The following RTL9 variants were observed in gnomAD, a reference collection of about 807,000 sequenced individuals.
The protein encoded by RTL9 is retrotransposon Gag like 9, also known as retrotransposon Gag-like protein 9.
RTL9 carries 19 observed loss-of-function variants against 44.7 expected under a neutral mutation model. That is an observed-to-expected ratio of 0.42 (90% CI 0.30 to 0.62). The LOEUF is 0.62. RTL9 is among the 20% of genes least tolerant of loss of function. RTL9 has a pLI of 0.16. For synonymous variants in RTL9, 407 were observed against 398.9 expected (o/e 1.02, Z -0.24); for missense variants, 1,105 against 1,080.6 (o/e 1.02, Z -0.32).
chrX:110,439,028 G>A (rs931376306), intron 1 of RTL9, among the ~76,000 whole-genome samples: 13 of 112,048 alleles, frequency 1.2e-4, no homozygotes, highest in Non-Finnish European at 2.1e-4. Flanking sequence ...CTCCAAACAA[G>A]TTATGTACCC....
chrX:110,449,228 A>G (rs1390558309), upstream of RTL9, among the ~76,000 whole-genome samples: 1 of 111,586 alleles, frequency 9.0e-6, no homozygotes, highest in Non-Finnish European at 1.9e-5. Context: ...GAATTTTCTC[A>G]TTTGTAAGAT....
chrX:110,414,594 A>T (rs1390052985), upstream of RTL9, among the ~76,000 whole-genome samples: 1 of 113,156 alleles, frequency 8.8e-6, no homozygotes, highest in Non-Finnish European at 1.9e-5. Flanking sequence ...TAAGTCACTC[A>T]CTAACGTGAC....
intron 1 of RTL9, among the ~76,000 whole-genome samples, chrX:110,376,070 C>T (rs1010641416): frequency 1.8e-5 from 2 of 111,451 alleles, no homozygotes; most frequent in Non-Finnish European, 3.8e-5. Flanking sequence ...AAATGACTTG[C>T]TTTTAAAACC....
In RTL9 at chrX:110,403,109, G is replaced by A. The variant is rs192586292; in HGVS notation, c.-167-42044G>A. Reference sequence around the variant, plus strand: ...CCCTGCCATCCTTGGGAGTAGGTATGAGAGAGGGAGTTGAGAGGCCAGGCT... The same window carrying A: ...CCCTGCCATCCTTGGGAGTAGGTATAAGAGAGGGAGTTGAGAGGCCAGGCT... On this transcript the variant is annotated intron_variant, in intron 1 of 2. Coordinates refer to the RTL9 transcript ENST00000520821. Among the ~76,000 whole-genome samples the A allele has an allele frequency of 6.3e-5, 7 of 111,352 alleles. No individual in the cohort carries two copies. In the East Asian group the frequency reaches 1.4e-3, roughly 23 times the overall value.
exon 1 of RTL9, chrX:110,450,715 C>T: frequency 8.3e-7 from 1 of 1,210,772 alleles, no homozygotes; most frequent in South Asian, 1.8e-5. Flanking sequence ...AGACCAATGA[C>T]AGAGACCAGA....
intron 1 of RTL9, among the ~76,000 whole-genome samples, chrX:110,361,943 C>T (rs1314061684): frequency 9.0e-6 from 1 of 111,527 alleles, no homozygotes; most frequent in African/African-American, 3.3e-5. Context: ...CTGTATTTAC[C>T]AAAACAGGGA....
At chrX:110,395,986 A>G (rs2068525884) in intron 1 of RTL9, among the ~76,000 whole-genome samples, 1 of 111,831 alleles carries the variant, frequency 8.9e-6, no homozygotes, top group African/African-American at 3.3e-5. Context: ...GCAGAAAAGT[A>G]CTTTACAAAG....
At chrX:110,395,197 C>T (rs1401849954) in intron 1 of RTL9, among the ~76,000 whole-genome samples, 1 of 112,119 alleles carries the variant, frequency 8.9e-6, no homozygotes, top group Admixed American at 9.4e-5. Context: ...TCCGAGGGTG[C>T]CCCCACACCA....
At chrX:110,381,633 C>T (rs1431147649) in intron 1 of RTL9, among the ~76,000 whole-genome samples, 2 of 111,540 alleles carry the variant, frequency 1.8e-5, no homozygotes, top group African/African-American at 3.3e-5. Context: ...GTATGTTCAT[C>T]GCAGCACTAT....
chrX:110,447,491 G>A (rs1208962165), upstream of RTL9, among the ~76,000 whole-genome samples: 2 of 110,356 alleles, frequency 1.8e-5, no homozygotes, highest in Admixed American at 1.9e-4. Context: ...AGAGTACTCC[G>A]AGTTTCTAAT....
At chrX:110,377,245 A>G (rs927907647) in intron 1 of RTL9, among the ~76,000 whole-genome samples, 1 of 111,961 alleles carries the variant, frequency 8.9e-6, no homozygotes, top group African/African-American at 3.2e-5. Context: ...TCTGCCCAGT[A>G]GCGCTATATG....
chrX:110,409,239 C>T (rs1338793089), intron 1 of RTL9, among the ~76,000 whole-genome samples: 1 of 110,599 alleles, frequency 9.0e-6, no homozygotes. Flanking sequence ...GGCAGGATCC[C>T]AGTTATCAGA....
chrX:110,417,480 AT>A (rs371569472), upstream of RTL9, among the ~76,000 whole-genome samples: 5,475 of 108,541 alleles, frequency 0.05, 342 homozygotes, highest in African/African-American at 0.17. Flanking sequence ...GCAAATGAGC[AT>A]TTTTTTTTTA....
rs1012212346 is a variant in RTL9, at chrX:110,363,487, G to A, written c.-168+4571G>A. On this transcript the variant is annotated intron_variant, in intron 1 of 2. Transcript: ENST00000520821. ...TCATTAAGGAGTAATGCTCTAAAAT[G>A]TAATCAGTGGAAAACACAACTGTAG... Among the ~76,000 whole-genome samples the A allele has an allele frequency of 5.4e-5, 6 of 112,091 alleles. No individual in the cohort carries two copies. In the Admixed American group the frequency reaches 5.7e-4, roughly 11 times the overall value.
intron 1 of RTL9, among the ~76,000 whole-genome samples, chrX:110,439,143 G>C (rs1041326842): frequency 1.8e-5 from 2 of 111,956 alleles, no homozygotes; most frequent in Admixed American, 9.5e-5. Context: ...CCCGACAGAA[G>C]GACAAGAGGG....
chrX:110,392,267 C>A (rs2068499034), intron 1 of RTL9, among the ~76,000 whole-genome samples: 1 of 106,202 alleles, frequency 9.4e-6, no homozygotes, highest in African/African-American at 3.5e-5. Context: ...AAATTTCTAC[C>A]ACAGGTTTTT....
chrX:110,433,683 A>G (rs759686434), intron 1 of RTL9, among the ~76,000 whole-genome samples: 1 of 111,947 alleles, frequency 8.9e-6, no homozygotes, highest in African/African-American at 3.3e-5. Context: ...TCAATCATGA[A>G]AAGAGCTTAG....
chrX:110,377,837 G>A (rs1228174605), intron 1 of RTL9, among the ~76,000 whole-genome samples: 1 of 107,584 alleles, frequency 9.3e-6, no homozygotes, highest in Admixed American at 9.9e-5. Flanking sequence ...GTGAAACCCC[G>A]TCTCTACTAA....
At chrX:110,397,272 T>A (rs187912498) in intron 1 of RTL9, among the ~76,000 whole-genome samples, 33 of 111,734 alleles carry the variant, frequency 3.0e-4, no homozygotes, top group Admixed American at 2.8e-3. Flanking sequence ...AGTAAGTCTC[T>A]CAGAGCCTTG....
Sources: gnomAD v4.1 joint callset for allele counts (sites outside exome capture counted in the v4.1 genomes callset) on GRCh38, gnomAD v4.1.1 for gene constraint, MANE v1.5 for transcripts, NCBI Gene and HGNC (gene_info 2026-07-23, HGNC 2026-07-21) for gene names.